The following KMT2A variants were observed in gnomAD, a reference collection of about 807,000 sequenced individuals.
KMT2A encodes the protein histone-lysine N-methyltransferase 2A.
KMT2A carries 16 observed loss-of-function variants against 345.3 expected under a neutral mutation model. The ratio of observed to expected loss-of-function variants is 0.05; its 90% confidence interval spans 0.03 to 0.07. KMT2A has a LOEUF of 0.07. Ranked by LOEUF, KMT2A falls within the 10% of genes least tolerant of loss-of-function variation. The probability of loss-of-function intolerance (pLI) is 1.00; values close to 1 mark genes in which losing one functional copy is unlikely to be tolerated. For missense variants in KMT2A, 3,272 were observed against 4,841.6 expected, an observed-to-expected ratio of 0.68 and a Z score of 9.62; for synonymous variants, 1,599 against 1,778.6, an observed-to-expected ratio of 0.90 and a Z score of 2.54.
intron 1 of KMT2A, among the ~76,000 whole-genome samples, chr11:118,443,350 T>C (rs1949352824): frequency 1.3e-5 from 2 of 152,222 alleles, no homozygotes; most frequent in African/African-American, 4.8e-5. Flanking sequence ...CCGCTTTTCT[T>C]GACCTATCCA....
Position 118,507,586 on chromosome 11 carries a change from G to A in KMT2A, c.10812G>A (p.Gln3604=), listed in dbSNP as rs1426536381. The stretch of plus-strand genomic sequence containing the variant: ...CAGCTAGCGTGGAGCAGTCCTCCCA[G>A]AAGGAGTGTGGGCAACCTGCAGGGT... ...QDTASVEQSS[Q]KECGQPAGQV... Residue 3604 remains glutamine (Q), a synonymous_variant, in exon 28 of 36, where the codon CAG becomes CAA. Transcript: ENST00000534358. 5.6e-6 allele frequency: 9 copies of A among 1,614,010 alleles called. No individual in the cohort carries two copies. The highest frequency in any genetic ancestry group is 7.6e-6 in the Non-Finnish European group (9 of 1,179,964).
Position 118,506,099 on chromosome 11 carries a change from C to A in KMT2A, c.10207C>A (p.Pro3403Thr). The A allele has an allele frequency of 6.2e-7, 1 of 1,614,152 alleles. No individual in the cohort carries two copies. The highest frequency in any genetic ancestry group is 8.5e-7 in the Non-Finnish European group (1 of 1,180,018). The change falls in exon 27 of 36, where the codon CCG becomes ACG. Residue 3403 changes from proline to threonine, a missense_variant. Transcript: ENST00000534358. The stretch of plus-strand genomic sequence containing the variant: ...GATTCAGGACCAGCCTGTGGCTTTA[C>A]CGCCAAGTTCAGGAATGTTTCCACA... ...LGIQDQPVAL[P>T]PSSGMFPQLG...
chr11:118,438,445 G>A (rs1835520791), intron 1 of KMT2A, among the ~76,000 whole-genome samples: 5 of 139,870 alleles, frequency 3.6e-5, no homozygotes. Context: ...GTAGAGGGGG[G>A]AGGATGGCAT....
chr11:118,439,155 C>T, intron 1 of KMT2A: 2 of 258,572 alleles, frequency 7.7e-6, no homozygotes, highest in Admixed American at 5.1e-5. Flanking sequence ...AAAGATACAG[C>T]AGCAAAAAAA....
chr11:118,511,132 T>C (rs949944585), intron 30 of KMT2A, among the ~76,000 whole-genome samples: 1 of 152,150 alleles, frequency 6.6e-6, no homozygotes, highest in African/African-American at 2.4e-5. Flanking sequence ...GGAAACATAA[T>C]GTGATAAGCT....
chr11:118,443,610 G>A (rs1555026444), intron 1 of KMT2A, among the ~76,000 whole-genome samples: 1 of 152,208 alleles, frequency 6.6e-6, no homozygotes, highest in East Asian at 1.9e-4. Context: ...TGAATTGAAT[G>A]TATTGCCCTA....
In KMT2A at chr11:118,493,420, G is replaced by A. The variant is rs1162205228; in HGVS notation, c.5178+190G>A. Among the ~76,000 whole-genome samples, 1 of 152,202 alleles carries A rather than the reference G, an allele frequency of 6.6e-6. No homozygotes were observed. The highest frequency in any genetic ancestry group is 1.5e-5 in the Non-Finnish European group (1 of 68,036). ...GTGTTTCAGAAGAAGGGTTGTGATA[G>A]GGAAGATAATGTCTTAAAATAGTTC... On this transcript the variant is annotated intron_variant, in intron 16 of 35. Coordinates refer to ENST00000534358, the MANE Select transcript of KMT2A (RefSeq NM_001197104.2). This position sits in a 1 kb window ranked among gnomAD's most constrained non-coding sequence, Gnocchi z 5.8.
At chr11:118,514,790 T>A (rs1053504084) in intron 31 of KMT2A, among the ~76,000 whole-genome samples, 9 of 152,000 alleles carry the variant, frequency 5.9e-5, no homozygotes, top group Non-Finnish European at 1.0e-4. Context: ...TGTGCCACCA[T>A]GCCTGGCTAA....
chr11:118,517,395 CA>C (rs11436622), intron 31 of KMT2A, among the ~76,000 whole-genome samples: 1,699 of 113,824 alleles, frequency 0.015, 26 homozygotes, highest in African/African-American at 0.055. Flanking sequence ...GACTCTGTCT[CA>C]AAAAAAAAAA....
intron 1 of KMT2A, among the ~76,000 whole-genome samples, chr11:118,437,603 T>C (rs1437339995): frequency 1.8e-5 from 2 of 113,848 alleles, no homozygotes; most frequent in African/African-American, 6.8e-5. Context: ...GGAAAATCTC[T>C]CCTCTGCACC....
Position 118,496,226 on chromosome 11 carries a change from C to CTCAAGG in KMT2A, c.5558-33_5558-28dup, listed in dbSNP as rs1555043907. On this transcript the variant is annotated intron_variant, in intron 19 of 35. Transcript: ENST00000534358. The surrounding 1 kb of genome is among the most constrained non-coding windows in gnomAD (Gnocchi z 4.7). ...ATAGTATTGCCAATTTTAACTGGATCTCAAGGTATTGATGGGAGTCTTTTG... is the reference window on the plus strand; with the variant it reads ...ATAGTATTGCCAATTTTAACTGGATCTCAAGGTCAAGGTATTGATGGGAGTCTTTTG... 1 of 1,447,226 alleles carries CTCAAGG rather than the reference C, an allele frequency of 6.9e-7. No individual in the cohort carries two copies. The highest frequency in any genetic ancestry group is 1.7e-5 in the Admixed American group (1 of 59,420). 89.6% of individuals were successfully genotyped at this position (1,447,226 alleles called of 1,614,324 possible).
In KMT2A at chr11:118,491,451, A is replaced by C; in HGVS notation, c.4819+133A>C. The stretch of plus-strand genomic sequence containing the variant: ...CTAAATTTATTTTTTAGTCTCTAGA[A>C]TAAGCAGCATTGTATTATTTGTGCT... On this transcript the variant is annotated intron_variant, in intron 14 of 35. Transcript: ENST00000534358. The surrounding 1 kb of genome is among the most constrained non-coding windows in gnomAD (Gnocchi z 4.2). 1.2e-6 allele frequency: 1 copy of C among 861,524 alleles called. No homozygotes were observed. The highest frequency in any genetic ancestry group is 1.7e-6 in the Non-Finnish European group (1 of 577,200). The allele number at this position is 861,524 out of a possible 1,614,324, so 53.4% of individuals were successfully genotyped here.
At chr11:118,507,700 C>A (rs1477607723) in intron 28 of KMT2A, 91 bp downstream of exon 28, 8 of 1,010,822 alleles carry the variant, frequency 7.9e-6, no homozygotes, top group African/African-American at 1.6e-5. Flanking sequence ...CGCAGTGGCT[C>A]ACGCCTGTAA....
At chr11:118,482,280 G>C in intron 7 of KMT2A, 142 bp from the exon 8 acceptor site, 1 of 893,364 alleles carries the variant, frequency 1.1e-6, no homozygotes, top group Non-Finnish European at 1.7e-6. Context: ...TTAAATTGGA[G>C]GTATTGTTTT....
In KMT2A at chr11:118,477,886, G is replaced by A. The variant is rs539736088; in HGVS notation, c.3335-81G>A. On this transcript the variant is annotated intron_variant, in intron 4 of 35. Transcript: ENST00000534358. ...CTGTATATAAATATTTTATTTTAATGTATTTCATTTTTGGAGTACCAATTA... is the reference window on the plus strand; with the variant it reads ...CTGTATATAAATATTTTATTTTAATATATTTCATTTTTGGAGTACCAATTA... 2.5e-4 allele frequency: 209 copies of A among 835,684 alleles called. 1 individual carries two copies. The African/African-American group carries it at 3.3e-3, about 13-fold the overall frequency. 51.8% of individuals were successfully genotyped at this position (835,684 alleles called of 1,614,324 possible).
rs1471309790 is a variant in KMT2A at position 118,490,553 on chromosome 11, CCAAA to C, written c.4696+307_4696+310del. 6.6e-6 allele frequency among the ~76,000 whole-genome samples: 1 copy of C among 151,506 alleles called. No individual in the cohort carries two copies. The highest frequency in any genetic ancestry group is 1.5e-5 in the Non-Finnish European group (1 of 67,892). ...TTTCAGACATTATTTTAGTTGCTAC[CCAAA>C]CATTTTCTTTCAGTAGTTATATTAG... On this transcript the variant is annotated intron_variant, in intron 13 of 35. Transcript: ENST00000534358. This position sits in a 1 kb window ranked among gnomAD's most constrained non-coding sequence, Gnocchi z 4.2.
rs931031857 is a variant in KMT2A, at chr11:118,525,730, C to T, written c.*3558C>T. 8.8e-6 allele frequency: 2 copies of T among 228,568 alleles called. No homozygotes were observed. Among genetic ancestry groups the T allele is most frequent in the Non-Finnish European group, 1.7e-5 (2 of 116,066 alleles). The allele number at this position is 228,568 out of a possible 1,614,324, so 14.2% of individuals were successfully genotyped here. A position where few individuals can be genotyped will look rare whatever the true frequency, so the allele number is the denominator to read the frequency against. On this transcript the variant is annotated 3_prime_UTR_variant, in exon 36 of 36. Coordinates refer to ENST00000534358, the MANE Select transcript of KMT2A (RefSeq NM_001197104.2). Reference sequence around the variant, plus strand: ...TATCTGAAAATACTAAAGGTCAAAACCTTGTCAGATGTTAACTTCTAAGTT... The same window carrying T: ...TATCTGAAAATACTAAAGGTCAAAATCTTGTCAGATGTTAACTTCTAAGTT...
At position 118,484,262 on chromosome 11, in the gene KMT2A, C is replaced by T. The variant is rs1555040236; in HGVS notation, c.4166C>T (p.Ser1389Phe). ...AGCACTCTCTCCAATGGCAATAGTT[C>T]TAAGCAAAAAATTCCAGCAGATGGA... ...ILSTLSNGNS[S>F]KQKIPADGVH... Residue 1389 changes from serine (S) to phenylalanine (F), a missense_variant, in exon 9 of 36, where the codon TCT (serine) becomes TTT (phenylalanine). Ser to Phe is a radical substitution (Grantham distance 155, BLOSUM62 -2). This residue lies in a region of KMT2A where 168 missense variants were observed against 216.0 expected (regional missense o/e 0.78). Coordinates refer to ENST00000534358, the MANE Select transcript of KMT2A (RefSeq NM_001197104.2). This position sits in a 1 kb window ranked among gnomAD's most constrained non-coding sequence, Gnocchi z 4.1. 2.5e-6 allele frequency: 4 copies of T among 1,614,054 alleles called. No individual in the cohort carries two copies. Among genetic ancestry groups the T allele is most frequent in the Non-Finnish European group, 2.5e-6 (3 of 1,179,978 alleles).
At chr11:118,487,390 G>GCC in intron 10 of KMT2A, among the ~76,000 whole-genome samples, 1 of 152,062 alleles carries the variant, frequency 6.6e-6, no homozygotes, top group Non-Finnish European at 1.5e-5. Flanking sequence ...CACTCCTAAA[G>GCC]CATGACCAGT....
Sources: gnomAD v4.1 joint callset for allele counts (sites outside exome capture counted in the v4.1 genomes callset) on GRCh38, gnomAD v4.1.1 for gene constraint, gnomAD v4.1.1 regional missense constraint, Gnocchi (gnomAD v3.1) non-coding constraint, MANE v1.5 for transcripts, NCBI Gene and HGNC (gene_info 2026-07-23, HGNC 2026-07-21) for gene names.